Variants in HSPA12B observed in about 807,000 individuals in gnomAD.
HSPA12B encodes the protein heat shock protein family A (Hsp70) member 12B.
A neutral mutation model predicts 69.3 loss-of-function variants in HSPA12B; 54 were observed. The ratio of observed to expected loss-of-function variants is 0.78; its 90% CI spans 0.63 to 0.98. The LOEUF (loss-of-function observed/expected upper bound fraction) is 0.98, where lower values mean the gene tolerates loss of function less well. HSPA12B is among the 50% of genes least tolerant of loss of function. The probability of loss-of-function intolerance (pLI) is 0.00; values close to 1 mark genes in which losing one functional copy is unlikely to be tolerated. For synonymous variants in HSPA12B, 441 were observed against 436.5 expected (o/e 1.01, Z -0.13); for missense variants, 929 against 999.8 (o/e 0.93, Z 0.96).
At chr20:3,751,419 G>C (rs1046542057) in intron 12 of HSPA12B, 92 bp from the exon 13 acceptor site, 36 of 1,349,646 alleles carry the variant, frequency 2.7e-5, no homozygotes, top group Non-Finnish European at 3.1e-5. Context: ...GGGAGGCGCC[G>C]GTGGCCGCCT....
rs1334424675 is a variant in HSPA12B at position 3,752,091 on chromosome 20, C to G, written c.1986C>G (p.Thr662=). 1 of 1,520,828 alleles carries G rather than the reference C, an allele frequency of 6.6e-7. No individual in the cohort carries two copies. The highest frequency in any genetic ancestry group is 2.4e-5 in the East Asian group (1 of 41,708). 94.2% of individuals were successfully genotyped at this position (1,520,828 alleles called of 1,614,324 possible). Reference sequence around the variant, plus strand: ...GCGCCGCCATGCAGTTTGGCGACACCGAAATTAAGGTCACCGCCGTCGACG... The same window carrying G: ...GCGCCGCCATGCAGTTTGGCGACACGGAAATTAAGGTCACCGCCGTCGACG... ...EIRAAMQFGD[T]EIKVTAVDVS... Residue 662 remains threonine (T), a synonymous_variant, in exon 13 of 13, where the codon ACC becomes ACG. Transcript: ENST00000254963.
chr20:3,750,867 G>T lies in HSPA12B; in HGVS notation c.1365G>T (p.Glu455Asp), dbSNP rs772562699. ...GAATGTCTTGTGAAGCCATGAACGA[G>T]CTCTTTCAGCCCACCGTCAGCGGGA... is the stretch of plus-strand genomic sequence containing the variant. ...MLRMSCEAMN[E>D]LFQPTVSGII... Residue 455 changes from glutamate to aspartate, a missense_variant, in exon 12 of 13, where the codon GAG (glutamate) becomes GAT (aspartate). Transcript: ENST00000254963. 1 of 1,614,004 alleles carries T rather than the reference G, an allele frequency of 6.2e-7. No homozygotes were observed. The highest frequency in any genetic ancestry group is 1.1e-5 in the South Asian group (1 of 91,086).
chr20:3,738,521 C>T (rs182558272), intron 1 of HSPA12B, 137 bp from the exon 2 acceptor site: 7 of 708,558 alleles, frequency 9.9e-6, no homozygotes, highest in African/African-American at 3.5e-5. Flanking sequence ...AAAGAGTTCA[C>T]GGGTGAAACA....
chr20:3,751,502 G>T lies in HSPA12B; in HGVS notation c.1406-9G>T. The T allele has an allele frequency of 7.1e-7, 1 of 1,410,968 alleles. No homozygotes were observed. The highest frequency in any genetic ancestry group is 2.7e-5 in the East Asian group (1 of 36,868). 87.4% of individuals were successfully genotyped at this position (1,410,968 alleles called of 1,614,324 possible). On this transcript the variant is annotated splice_polypyrimidine_tract_variant and intron_variant, in intron 12 of 12. Coordinates refer to ENST00000254963, the MANE Select transcript of HSPA12B (RefSeq NM_052970.5). The stretch of plus-strand genomic sequence containing the variant: ...CCCTTCACCCGCGTCCCCCCGTCCT[G>T]TCCCGCAGAGGCCCTGCTGGCACGG...
Position 3,749,376 on chromosome 20 carries a change from A to C in HSPA12B, c.937+58A>C. 1 of 1,454,018 alleles carries C rather than the reference A, an allele frequency of 6.9e-7. No individual in the cohort carries two copies. The highest frequency in any genetic ancestry group is 2.4e-5 in the East Asian group (1 of 42,436). 90.1% of individuals were successfully genotyped at this position (1,454,018 alleles called of 1,614,324 possible). A position where few individuals can be genotyped will look rare whatever the true frequency, so the allele number is the denominator to read the frequency against. Reference sequence around the variant, plus strand: ...GGCCCCTACCGGGCACCATATACTGATGGGGGGAAGGGCATGTTTGCAAAG... The same window carrying C: ...GGCCCCTACCGGGCACCATATACTGCTGGGGGGAAGGGCATGTTTGCAAAG... On this transcript the variant is annotated intron_variant, in intron 9 of 12. Transcript: ENST00000254963. The surrounding 1 kb of genome is among the most constrained non-coding windows in gnomAD (Gnocchi z 5.5).
At chr20:3,732,861 G>C (rs1235060207) in intron 1 of HSPA12B, 67 bp downstream of exon 1, 1 of 152,372 alleles carries the variant, frequency 6.6e-6, no homozygotes, top group African/African-American at 2.4e-5. Context: ...TGCCGTCCCG[G>C]GCTGTCGGCT....
At chr20:3,733,420 A>C (rs973958377) in intron 1 of HSPA12B, among the ~76,000 whole-genome samples, 1 of 152,174 alleles carries the variant, frequency 6.6e-6, no homozygotes, top group African/African-American at 2.4e-5. Context: ...GACGCAGCGC[A>C]GGAATCCCAG....
At position 3,740,651 on chromosome 20, in the gene HSPA12B, G is replaced by A. The variant is rs550203167; in HGVS notation, c.44-164G>A. Among the ~76,000 whole-genome samples the A allele has an allele frequency of 5.3e-5, 8 of 152,288 alleles. No individual in the cohort carries two copies. Among genetic ancestry groups the A allele is most frequent in the Middle Eastern group, 3.4e-3 (1 of 294 alleles). On this transcript the variant is annotated intron_variant, in intron 2 of 12. Coordinates refer to ENST00000254963, the MANE Select transcript of HSPA12B (RefSeq NM_052970.5). This position sits in a 1 kb window ranked among gnomAD's most constrained non-coding sequence, Gnocchi z 4.9. Reference sequence around the variant, plus strand: ...GCAGACCCTCAGCTCCTGCCCCTGCGTCATGTGTGTCTTTCCTACACCCCG... The same window carrying A: ...GCAGACCCTCAGCTCCTGCCCCTGCATCATGTGTGTCTTTCCTACACCCCG...
In HSPA12B at chr20:3,746,053, C is replaced by T. The variant is rs371972207; in HGVS notation, c.675+22C>T. On this transcript the variant is annotated intron_variant, in intron 7 of 12. Transcript: ENST00000254963. ...CCTGGTGAGGACGTGCAGGCGGGCC[C>T]GAGAACACTGCTCAGGAAGGGCCAG... 7.6e-6 allele frequency: 12 copies of T among 1,575,908 alleles called. No homozygotes were observed. The East Asian group carries it at 9.0e-5, about 12-fold the overall frequency.
rs1401985767 is a variant in HSPA12B at position 3,745,475 on chromosome 20, G to A, written c.454-18G>A. The A allele has an allele frequency of 6.3e-7, 1 of 1,586,914 alleles. No individual in the cohort carries two copies. Among genetic ancestry groups the A allele is most frequent in the African/African-American group, 1.3e-5 (1 of 74,444 alleles). On this transcript the variant is annotated intron_variant, in intron 5 of 12. Transcript: ENST00000254963. The surrounding 1 kb of genome is among the most constrained non-coding windows in gnomAD (Gnocchi z 5.6). ...CCAAGCTGAGGCCTCCTGCAGAGCC[G>A]CCCTGTGTCCCTGCCAGGATCTCAC...
At chr20:3,750,601 G>A (rs931943493) in intron 11 of HSPA12B, 3 of 928,948 alleles carry the variant, frequency 3.2e-6, no homozygotes, top group Non-Finnish European at 3.9e-6. Flanking sequence ...CCTGGAGCAG[G>A]CTGGCAACTA....
chr20:3,747,952 T>C (rs975259229), intron 7 of HSPA12B, among the ~76,000 whole-genome samples: 1 of 152,228 alleles, frequency 6.6e-6, no homozygotes, highest in Non-Finnish European at 1.5e-5. Flanking sequence ...GGGTTCTAGG[T>C]CTGCATTCTG....
chr20:3,738,822 A>C, intron 2 of HSPA12B, 105 bp downstream of exon 2: 1 of 1,189,678 alleles, frequency 8.4e-7, no homozygotes, highest in Non-Finnish European at 1.2e-6. Flanking sequence ...AGAGCTTCCC[A>C]ACAGCTCTTC....
chr20:3,745,455 C>A lies in HSPA12B; in HGVS notation c.454-38C>A, dbSNP rs746820936. 6.8e-7 allele frequency: 1 copy of A among 1,460,810 alleles called. No individual in the cohort carries two copies. The highest frequency in any genetic ancestry group is 9.6e-7 in the Non-Finnish European group (1 of 1,040,348). 90.5% of individuals were successfully genotyped at this position (1,460,810 alleles called of 1,614,324 possible). On this transcript the variant is annotated intron_variant, in intron 5 of 12. Coordinates refer to ENST00000254963, the MANE Select transcript of HSPA12B (RefSeq NM_052970.5). This position sits in a 1 kb window ranked among gnomAD's most constrained non-coding sequence, Gnocchi z 5.6. ...AGGTCGTCAGGAAATGAGTGCCAAG[C>A]TGAGGCCTCCTGCAGAGCCGCCCTG...
At chr20:3,746,210 CA>C (rs1425686003) in intron 7 of HSPA12B, among the ~76,000 whole-genome samples, 179 bp downstream of exon 7, 1 of 150,140 alleles carries the variant, frequency 6.7e-6, no homozygotes, top group African/African-American at 2.4e-5. Context: ...CCTGCAGGAA[CA>C]GGGGACAGAG....
In HSPA12B at chr20:3,749,544, C is replaced by T. The variant is rs969969208; in HGVS notation, c.938-206C>T. Among the ~76,000 whole-genome samples the T allele has an allele frequency of 1.6e-4, 24 of 152,276 alleles. No individual in the cohort carries two copies. The highest frequency in any genetic ancestry group is 5.3e-4 in the African/African-American group (22 of 41,556). On this transcript the variant is annotated intron_variant, in intron 9 of 12. Coordinates refer to ENST00000254963, the MANE Select transcript of HSPA12B (RefSeq NM_052970.5). The surrounding 1 kb of genome is among the most constrained non-coding windows in gnomAD (Gnocchi z 5.5). ...CGGACGCTCGGGTGGAGTTGCAGAG[C>T]CTCTGGAACCATTTCTGCCCCACAC...
chr20:3,750,501 C>T (rs2088397572), intron 11 of HSPA12B, among the ~76,000 whole-genome samples: 2 of 152,100 alleles, frequency 1.3e-5, no homozygotes, highest in Non-Finnish European at 2.9e-5. Flanking sequence ...GCCTTCTCTA[C>T]ACCCCCACCC....
Position 3,748,334 on chromosome 20 carries a change from G to T in HSPA12B, c.793G>T (p.Ala265Ser). ...CCAGCTCCTGGACCTGAGTGGCCGG[G>T]CCCCAGGTGGTGGGCGCCTGGGTGA... is the stretch of plus-strand genomic sequence containing the variant. ...LHQLLDLSGR[A>S]PGGGRLGERR... Residue 265 changes from alanine (A) to serine (S), a missense_variant, in exon 8 of 13, where the codon GCC (alanine) becomes TCC (serine). Coordinates refer to ENST00000254963, the MANE Select transcript of HSPA12B (RefSeq NM_052970.5). 6 of 1,610,410 alleles carry T rather than the reference G, an allele frequency of 3.7e-6. No homozygotes were observed. The highest frequency in any genetic ancestry group is 5.1e-6 in the Non-Finnish European group (6 of 1,178,438).
intron 11 of HSPA12B, among the ~76,000 whole-genome samples, chr20:3,750,428 C>T (rs866974848): frequency 2.9e-4 from 44 of 152,182 alleles, no homozygotes; most frequent in African/African-American, 9.9e-4. Context: ...ACGGAATCCG[C>T]AGCCCGAACT....
Sources: allele counts gnomAD v4.1 joint callset (sites outside exome capture counted in the v4.1 genomes callset), GRCh38; gene constraint gnomAD v4.1.1; non-coding constraint Gnocchi (gnomAD v3.1); transcripts MANE v1.5; gene names NCBI Gene and HGNC (gene_info 2026-07-23, HGNC 2026-07-21).